Variants in IGSF21 observed in about 807,000 individuals in gnomAD.
The protein encoded by IGSF21 is immunoglobin superfamily member 21.
A neutral mutation model predicts 46.8 loss-of-function variants in IGSF21; 28 were observed. That is an observed-to-expected ratio of 0.60 (90% CI 0.44 to 0.82). IGSF21 has a LOEUF of 0.82. Ranked by LOEUF, IGSF21 falls within the 40% of genes least tolerant of loss-of-function variation. The pLI, the probability that IGSF21 is intolerant of heterozygous loss-of-function variation, is 0.00. For missense variants in IGSF21, 624 were observed against 665.5 expected (o/e 0.94, Z 0.69); for synonymous variants, 284 against 273.6 (o/e 1.04, Z -0.38).
intron 6 of IGSF21, among the ~76,000 whole-genome samples, chr1:18,367,008 T>A (rs2086171847): frequency 6.6e-6 from 1 of 152,118 alleles, no homozygotes; most frequent in African/African-American, 2.4e-5. Flanking sequence ...GCTTGTCCTT[T>A]CCCCTATGTC....
intron 2 of IGSF21, among the ~76,000 whole-genome samples, chr1:18,236,906 C>T (rs905621292): frequency 2.6e-5 from 4 of 152,096 alleles, no homozygotes; most frequent in African/African-American, 4.8e-5. Context: ...CCTTGGAGGT[C>T]GTGGGGGCTA....
At chr1:18,192,965 C>T (rs969701139) in intron 1 of IGSF21, among the ~76,000 whole-genome samples, 15 of 152,034 alleles carry the variant, frequency 9.9e-5, no homozygotes, top group East Asian at 5.8e-4. Flanking sequence ...GTGAATAAGG[C>T]AACACTGGAA....
At position 18,378,482 on chromosome 1, in the gene IGSF21, C is replaced by A; in HGVS notation, c.*156C>A. 1.5e-6 allele frequency: 1 copy of A among 659,962 alleles called. No individual in the cohort carries two copies. 40.9% of individuals were successfully genotyped at this position (659,962 alleles called of 1,614,324 possible). A position where few individuals can be genotyped will look rare whatever the true frequency, so the allele number is the denominator to read the frequency against. ...TTAAAACAAACAGAACAATTTTCCC[C>A]ACCTCGGTTTGTGGCTCTGCATTCT... On this transcript the variant is annotated 3_prime_UTR_variant, in exon 10 of 10. Coordinates refer to ENST00000251296, the MANE Select transcript of IGSF21 (RefSeq NM_032880.5).
intron 3 of IGSF21, among the ~76,000 whole-genome samples, chr1:18,318,453 T>C (rs1358128841): frequency 7.5e-6 from 1 of 133,318 alleles, no homozygotes; most frequent in Non-Finnish European, 1.6e-5. Context: ...TGCATGCACG[T>C]GTGCGTGCGT....
intron 2 of IGSF21, among the ~76,000 whole-genome samples, chr1:18,247,907 C>T (rs951737437): frequency 1.3e-5 from 2 of 152,194 alleles, no homozygotes; most frequent in Non-Finnish European, 2.9e-5. Context: ...TCAGCATCTA[C>T]ACTCTCATTT....
chr1:18,255,095 C>T (rs1262589756), intron 2 of IGSF21, among the ~76,000 whole-genome samples: 2 of 152,208 alleles, frequency 1.3e-5, no homozygotes, highest in Non-Finnish European at 2.9e-5. Flanking sequence ...TTTGGCCCTG[C>T]CCAGATCTGG....
At chr1:18,260,703 A>G (rs1412718588) in intron 2 of IGSF21, among the ~76,000 whole-genome samples, 1 of 152,202 alleles carries the variant, frequency 6.6e-6, no homozygotes, top group East Asian at 1.9e-4. Context: ...GACATGGTGC[A>G]CTGGTGGGCA....
chr1:18,167,917 G>A (rs61763664), intron 1 of IGSF21, among the ~76,000 whole-genome samples: 10,471 of 152,124 alleles, frequency 0.069, 409 homozygotes, highest in Middle Eastern at 0.17. Context: ...AGCTCCTCCT[G>A]CACGTTCCTC....
chr1:18,248,240 G>T (rs1166874729), intron 2 of IGSF21, among the ~76,000 whole-genome samples: 1 of 152,242 alleles, frequency 6.6e-6, no homozygotes, highest in Non-Finnish European at 1.5e-5. Context: ...TGTGTACACA[G>T]TGGGAGCCTG....
chr1:18,136,664 G>A (rs2086370095), intron 1 of IGSF21, among the ~76,000 whole-genome samples: 1 of 152,146 alleles, frequency 6.6e-6, no homozygotes, highest in African/African-American at 2.4e-5. Flanking sequence ...CTGTAGCCTT[G>A]TAGTATAGTT....
At chr1:18,157,729 A>G (rs1308835140) in intron 1 of IGSF21, among the ~76,000 whole-genome samples, 5 of 152,154 alleles carry the variant, frequency 3.3e-5, no homozygotes, top group Non-Finnish European at 7.3e-5. Context: ...AGAGAGGTTA[A>G]ATAACTTTCC....
chr1:18,245,931 G>A (rs879589851), intron 2 of IGSF21, among the ~76,000 whole-genome samples: 4 of 152,142 alleles, frequency 2.6e-5, no homozygotes, highest in Admixed American at 2.6e-4. Flanking sequence ...AAGGGGCAGG[G>A]GTAATTAACC....
chr1:18,210,768 T>C (rs2084383589), intron 1 of IGSF21, among the ~76,000 whole-genome samples: 1 of 152,170 alleles, frequency 6.6e-6, no homozygotes, highest in Non-Finnish European at 1.5e-5. Flanking sequence ...CCAGTTGTGA[T>C]AGCAGAAAAT....
chr1:18,227,824 T>TGGCCCTGCCCTCATC, intron 1 of IGSF21, 74 bp from the exon 2 acceptor site: 4 of 1,041,274 alleles, frequency 3.8e-6, no homozygotes, highest in Non-Finnish European at 6.0e-6. Flanking sequence ...GCTGTCTCCC[T>TGGCCCTGCCCTCATC]GGCCCTGCCC....
chr1:18,302,056 C>A (rs542429581), intron 3 of IGSF21, among the ~76,000 whole-genome samples: 39 of 152,282 alleles, frequency 2.6e-4, no homozygotes, highest in African/African-American at 7.5e-4. Flanking sequence ...TTCCCCTGCC[C>A]CTGGCACCTT....
chr1:18,227,036 C>T (rs546975648), intron 1 of IGSF21, among the ~76,000 whole-genome samples: 6 of 152,302 alleles, frequency 3.9e-5, no homozygotes, highest in East Asian at 3.9e-4. Context: ...AGAGTCCCAG[C>T]GTCTGCTCCA....
chr1:18,281,400 TA>T (rs1006737214), intron 2 of IGSF21, among the ~76,000 whole-genome samples: 28 of 151,456 alleles, frequency 1.8e-4, no homozygotes, highest in African/African-American at 6.5e-4. Flanking sequence ...AGGTCTCTAC[TA>T]AAAAAAATAT....
chr1:18,358,133 C>T (rs2086041511), intron 4 of IGSF21, among the ~76,000 whole-genome samples: 1 of 151,724 alleles, frequency 6.6e-6, no homozygotes, highest in Admixed American at 6.6e-5. Flanking sequence ...ATTTGGAAGG[C>T]TAGGGGCCAT....
intron 1 of IGSF21, among the ~76,000 whole-genome samples, chr1:18,154,860 G>T (rs1430810628): frequency 1.3e-5 from 2 of 151,316 alleles, no homozygotes; most frequent in Admixed American, 6.6e-5. Flanking sequence ...TAGAGGAGGG[G>T]TTCCTTGGAG....
Sources: allele counts gnomAD v4.1 joint callset (sites outside exome capture counted in the v4.1 genomes callset), GRCh38; gene constraint gnomAD v4.1.1; transcripts MANE v1.5; gene names NCBI Gene and HGNC (gene_info 2026-07-23, HGNC 2026-07-21).